KIF5B: variants seen among roughly 807,000 people sequenced by gnomAD.
The protein encoded by KIF5B is kinesin family member 5B.
Under a neutral mutation model 132.8 loss-of-function variants are expected in KIF5B, and 49 were observed. The ratio of observed to expected loss-of-function variants is 0.37; its 90% CI spans 0.29 to 0.47. KIF5B has a LOEUF of 0.47. Among genes scored for constraint, KIF5B ranks in the 20% least tolerant of loss-of-function variants. The pLI is 1.00. For missense variants in KIF5B, 780 were observed against 1,144.0 expected (o/e 0.68, Z 4.59); for synonymous variants, 355 against 369.4 (o/e 0.96, Z 0.45).
At chr10:32,037,165 G>C (rs1249208573) in intron 8 of KIF5B, 89 bp downstream of exon 8, 1 of 1,242,514 alleles carries the variant, frequency 8.0e-7, no homozygotes, top group Non-Finnish European at 1.1e-6. Flanking sequence ...TGGTAAGTAA[G>C]ATGCAACAAT....
intron 2 of KIF5B, 30 bp downstream of exon 2, chr10:32,048,434 G>C: frequency 6.9e-7 from 1 of 1,448,092 alleles, no homozygotes; most frequent in Non-Finnish European, 9.6e-7. Context: ...ACTTATTGCT[G>C]AGACAACTCA....
At chr10:32,037,700 G>A (rs1564468570) in intron 6 of KIF5B, 93 bp from the exon 7 acceptor site, 1 of 867,838 alleles carries the variant, frequency 1.2e-6, no homozygotes, top group East Asian at 2.7e-5. Flanking sequence ...GGGCGCGGTG[G>A]CGGGTGCCTG....
chr10:32,026,204 G>A (rs1446586455), intron 15 of KIF5B, among the ~76,000 whole-genome samples: 1 of 152,134 alleles, frequency 6.6e-6, no homozygotes, highest in East Asian at 1.9e-4. Flanking sequence ...GGAGGCCGAG[G>A]TGGGCAGATA....
In KIF5B at chr10:32,037,284, A is replaced by G. The variant is rs781401374; in HGVS notation, c.681T>C (p.Leu227=). 1.8e-5 allele frequency: 29 copies of G among 1,613,798 alleles called. No homozygotes were observed. The South Asian group carries it at 3.0e-4, about 17-fold the overall frequency. ...CACTACCAGCTAAATCAACCAGATA[A>G]AGTTTTCCACTCAGCTTTTGTTCCG... is the stretch of plus-strand genomic sequence containing the variant. ...TQTEQKLSGK[L]YLVDLAGSEK... is the part of the protein sequence containing the mutation. Residue 227 remains leucine (L), a synonymous_variant, in exon 8 of 26, where the codon CTT becomes CTC. Coordinates refer to ENST00000302418, the MANE Select transcript of KIF5B (RefSeq NM_004521.3).
At chr10:32,040,775 C>G (rs1841524489) in intron 2 of KIF5B, among the ~76,000 whole-genome samples, 1 of 151,898 alleles carries the variant, frequency 6.6e-6, no homozygotes, top group Non-Finnish European at 1.5e-5. Context: ...AGGCGGATCA[C>G]AAGGTCAGGA....
At chr10:32,023,225 C>T (rs950712336) in intron 15 of KIF5B, among the ~76,000 whole-genome samples, 189 bp from the exon 16 acceptor site, 4 of 151,816 alleles carry the variant, frequency 2.6e-5, no homozygotes, top group African/African-American at 4.8e-5. Context: ...TTACTTTTTG[C>T]CTTCCTTTTT....
intron 12 of KIF5B, among the ~76,000 whole-genome samples, 163 bp downstream of exon 12, chr10:32,033,682 T>G (rs1343731903): frequency 6.6e-6 from 1 of 152,218 alleles, no homozygotes; most frequent in Non-Finnish European, 1.5e-5. Context: ...TTATGACTTT[T>G]TATTTTGTTA....
chr10:32,027,031 T>C (rs552889039), intron 15 of KIF5B, among the ~76,000 whole-genome samples: 60 of 145,480 alleles, frequency 4.1e-4, no homozygotes, highest in African/African-American at 1.5e-3. Flanking sequence ...TTGTATTTTT[T>C]AAAAATATTT....
chr10:32,043,660 G>A (rs1466795492), intron 2 of KIF5B, among the ~76,000 whole-genome samples: 1 of 152,164 alleles, frequency 6.6e-6, no homozygotes, highest in Non-Finnish European at 1.5e-5. Flanking sequence ...AAATCACTCA[G>A]ATTCAGAATT....
At chr10:32,037,829 A>G (rs1458497916) in intron 6 of KIF5B, among the ~76,000 whole-genome samples, 1 of 151,736 alleles carries the variant, frequency 6.6e-6, no homozygotes, top group African/African-American at 2.4e-5. Flanking sequence ...GAGCCTCCAT[A>G]TATTAAATGA....
chr10:32,022,456 G>T (rs1841277110), intron 16 of KIF5B, among the ~76,000 whole-genome samples, 199 bp from the exon 17 acceptor site: 1 of 152,160 alleles, frequency 6.6e-6, no homozygotes, highest in South Asian at 2.1e-4. Context: ...CTAAGGCACT[G>T]AAGACTCAAA....
At chr10:32,039,219 C>T in intron 4 of KIF5B, 108 bp downstream of exon 4, 1 of 557,666 alleles carries the variant, frequency 1.8e-6, no homozygotes, top group Non-Finnish European at 3.1e-6. Flanking sequence ...TTCAACTGTA[C>T]CTTTCCAGAA....
At chr10:32,028,627 C>T in intron 14 of KIF5B, 56 bp from the exon 15 acceptor site, 3 of 1,443,594 alleles carry the variant, frequency 2.1e-6, no homozygotes, top group Non-Finnish European at 1.9e-6. Context: ...AAATTCAAAT[C>T]AAATACTCAT....
chr10:32,020,359 T>C (rs968113605), intron 19 of KIF5B, among the ~76,000 whole-genome samples: 1 of 152,036 alleles, frequency 6.6e-6, no homozygotes, highest in Non-Finnish European at 1.5e-5. Flanking sequence ...AAATTGCTTC[T>C]AGATAAACTA....
intron 1 of KIF5B, among the ~76,000 whole-genome samples, chr10:32,055,520 A>G (rs1208744879): frequency 2.5e-4 from 20 of 81,066 alleles, no homozygotes; most frequent in Non-Finnish European, 4.5e-4. Flanking sequence ...CCGTAATTGC[A>G]CACACACACA....
At position 32,019,903 on chromosome 10, in the gene KIF5B, A is replaced by G; in HGVS notation, c.2261T>C (p.Leu754Ser). ...QERLRVEHEK[L>S]KATDQEKSRK... ...GCTCTTTTCCTGATCTGTGGCTTTC[A>G]ACTTCTCATGTTCTACTCTTAGACG... The change falls in exon 20 of 26, where the codon TTG becomes TCG. Residue 754 changes from leucine (L) to serine (S), a missense_variant. Leu to Ser is a moderately radical substitution (Grantham distance 145). Around this residue, in one of 9 missense-constraint regions of KIF5B, gnomAD observed 471 missense variants for 569.9 expected, o/e 0.83. Coordinates refer to ENST00000302418, the MANE Select transcript of KIF5B (RefSeq NM_004521.3). The G allele has an allele frequency of 1.2e-6, 2 of 1,612,438 alleles. No homozygotes were observed.
At chr10:32,018,244 C>T in intron 22 of KIF5B, 72 bp downstream of exon 22, 1 of 1,453,982 alleles carries the variant, frequency 6.9e-7, no homozygotes, top group East Asian at 2.3e-5. Context: ...AGTTATTTCA[C>T]TTTGAATACA....
At chr10:32,033,701 AT>A in intron 12 of KIF5B, 143 bp downstream of exon 12, 2 of 556,252 alleles carry the variant, frequency 3.6e-6, no homozygotes, top group South Asian at 5.3e-5. Flanking sequence ...TAATACAATA[AT>A]TTTTACAAGA....
At position 32,048,448 on chromosome 10, in the gene KIF5B, G is replaced by C; in HGVS notation, c.214+16C>G. On this transcript the variant is annotated intron_variant, in intron 2 of 25. Transcript: ENST00000302418. Reference sequence around the variant, plus strand: ...TACTTATTGCTGAGACAACTCAGCAGGTTGAATATATTTACCTTTAACAAT... The same window carrying C: ...TACTTATTGCTGAGACAACTCAGCACGTTGAATATATTTACCTTTAACAAT... The C allele has an allele frequency of 1.3e-6, 2 of 1,545,216 alleles. No individual in the cohort carries two copies. The highest frequency in any genetic ancestry group is 1.8e-6 in the Non-Finnish European group (2 of 1,126,054).
Sources: allele counts gnomAD v4.1 joint callset (sites outside exome capture counted in the v4.1 genomes callset), GRCh38; gene constraint gnomAD v4.1.1; regional missense constraint gnomAD v4.1.1; transcripts MANE v1.5; gene names NCBI Gene and HGNC (gene_info 2026-07-23, HGNC 2026-07-21).